The following PHF14 variants were observed in gnomAD, a reference collection of about 807,000 sequenced individuals.
PHF14 encodes the protein PHD finger protein 14.
A neutral mutation model predicts 117.9 loss-of-function variants in PHF14; 55 were observed. The observed-to-expected ratio is 0.47, with a 90% CI of 0.38 to 0.58. The LOEUF is 0.58. Ranked by LOEUF, PHF14 falls within the 20% of genes least tolerant of loss-of-function variation. PHF14 has a pLI of 0.00. For missense variants in PHF14, 978 were observed against 1,122.2 expected, an observed-to-expected ratio of 0.87 and a Z score of 1.84; for synonymous variants, 409 against 368.6, an observed-to-expected ratio of 1.11 and a Z score of -1.26.
At chr7:11,080,321 C>T (rs1786045851) in intron 16 of PHF14, among the ~76,000 whole-genome samples, 1 of 152,076 alleles carries the variant, frequency 6.6e-6, no homozygotes, top group Non-Finnish European at 1.5e-5. Flanking sequence ...GTTAACATCT[C>T]ACTTTAAAAA....
chr7:11,058,495 T>C (rs925696730), intron 14 of PHF14, among the ~76,000 whole-genome samples: 7 of 152,222 alleles, frequency 4.6e-5, no homozygotes, highest in Admixed American at 2.6e-4. Flanking sequence ...TTTATTTTTT[T>C]CTTTGGAAAT....
At chr7:11,063,655 T>TA (rs1227246327) in intron 16 of PHF14, 1 of 971,336 alleles carries the variant, frequency 1.0e-6, no homozygotes, top group Non-Finnish European at 1.2e-6. Context: ...TAGAGGTTTT[T>TA]ATTAGGTTTT....
At chr7:11,019,020 G>A (rs1226432758) in intron 5 of PHF14, among the ~76,000 whole-genome samples, 1 of 152,140 alleles carries the variant, frequency 6.6e-6, no homozygotes, top group Non-Finnish European at 1.5e-5. Flanking sequence ...CCTTCATCCT[G>A]TTGATGTGAT....
At chr7:11,042,601 T>C (rs1308905606) in intron 12 of PHF14, 82 bp from the exon 13 acceptor site, 2 of 936,684 alleles carry the variant, frequency 2.1e-6, no homozygotes, top group Admixed American at 3.6e-5. Flanking sequence ...TGAAATTTTG[T>C]AAGTTGAAAA....
At chr7:11,022,415 G>T (rs1783767465) in intron 5 of PHF14, among the ~76,000 whole-genome samples, 1 of 152,142 alleles carries the variant, frequency 6.6e-6, no homozygotes, top group Admixed American at 6.5e-5. Flanking sequence ...AGTAATAAGA[G>T]AAATTTTACC....
intron 16 of PHF14, among the ~76,000 whole-genome samples, chr7:11,066,181 GTT>G (rs1209219917): frequency 6.6e-6 from 1 of 152,072 alleles, no homozygotes; most frequent in Non-Finnish European, 1.5e-5. Flanking sequence ...AACTAAATTT[GTT>G]TGTGTCATAA....
chr7:11,057,442 T>C (rs889964638), intron 14 of PHF14, among the ~76,000 whole-genome samples: 29 of 152,306 alleles, frequency 1.9e-4, no homozygotes, highest in Middle Eastern at 6.8e-3. Context: ...TGGTGTGACC[T>C]TGGCTCACTG....
intron 17 of PHF14, among the ~76,000 whole-genome samples, chr7:11,160,373 G>A (rs1352065023): frequency 6.6e-6 from 1 of 152,126 alleles, no homozygotes; most frequent in Non-Finnish European, 1.5e-5. Flanking sequence ...ATACAAATGT[G>A]TGTGTCTTTT....
chr7:11,148,725 C>T (rs1317922025), intron 17 of PHF14, among the ~76,000 whole-genome samples: 1 of 152,104 alleles, frequency 6.6e-6, no homozygotes, highest in Non-Finnish European at 1.5e-5. Context: ...GGTTAATAGA[C>T]AAACATTTAT....
At position 11,088,579 on chromosome 7, in the gene PHF14, A is replaced by G. The variant is rs1204009694; in HGVS notation, c.2655-22771A>G. On this transcript the variant is annotated intron_variant, in intron 16 of 17. Transcript: ENST00000634607. ...TCCTGCTTTTTCATTTTAATGAAGA[A>G]TTTCATTTTCTTACTGTTTTGGTTT... Among the ~76,000 whole-genome samples, 3 of 152,138 alleles carry G rather than the reference A, an allele frequency of 2.0e-5. 1 individual carries two copies. Among genetic ancestry groups the G allele is most frequent in the Admixed American group, 2.0e-4 (3 of 15,276 alleles).
At chr7:11,139,878 C>T (rs925259578) in intron 17 of PHF14, among the ~76,000 whole-genome samples, 1 of 152,010 alleles carries the variant, frequency 6.6e-6, no homozygotes, top group African/African-American at 2.4e-5. Flanking sequence ...TATTCTAATG[C>T]ATCATTGTGA....
chr7:11,138,269 C>G (rs1412558774), intron 17 of PHF14, among the ~76,000 whole-genome samples: 2 of 151,874 alleles, frequency 1.3e-5, no homozygotes, highest in African/African-American at 4.8e-5. Flanking sequence ...TCTCGATCTC[C>G]TGACCTCGTG....
At chr7:11,093,223 A>T (rs1377437502) in intron 16 of PHF14, among the ~76,000 whole-genome samples, 2 of 152,196 alleles carry the variant, frequency 1.3e-5, no homozygotes, top group Non-Finnish European at 2.9e-5. Context: ...CCGTCATCCC[A>T]GAGTTTGTTC....
At chr7:11,100,778 A>G (rs1787058368) in intron 16 of PHF14, among the ~76,000 whole-genome samples, 1 of 151,976 alleles carries the variant, frequency 6.6e-6, no homozygotes, top group Non-Finnish European at 1.5e-5. Flanking sequence ...AAAATGGTGG[A>G]ATTATAATTT....
intron 17 of PHF14, among the ~76,000 whole-genome samples, chr7:11,164,392 G>T (rs899194897): frequency 1.3e-5 from 2 of 152,130 alleles, no homozygotes; most frequent in African/African-American, 4.8e-5. Flanking sequence ...CAAAGCACAG[G>T]TAAGAAAATA....
intron 16 of PHF14, among the ~76,000 whole-genome samples, chr7:11,074,709 T>C (rs1323992698): frequency 6.6e-6 from 1 of 152,214 alleles, no homozygotes; most frequent in Non-Finnish European, 1.5e-5. Context: ...TAGGGCATAA[T>C]ATGGGTGACC....
chr7:11,057,591 T>G (rs1235174641), intron 14 of PHF14, among the ~76,000 whole-genome samples: 1 of 152,024 alleles, frequency 6.6e-6, no homozygotes, highest in Admixed American at 6.6e-5. Flanking sequence ...CCAGGCTGGT[T>G]TCAAACTCGT....
At chr7:10,975,908 A>G (rs1781846776) in intron 2 of PHF14, among the ~76,000 whole-genome samples, 1 of 152,180 alleles carries the variant, frequency 6.6e-6, no homozygotes, top group Non-Finnish European at 1.5e-5. Context: ...GAAGGGATGA[A>G]CGAAATTATA....
At chr7:11,131,137 A>G (rs1462232477) in intron 17 of PHF14, among the ~76,000 whole-genome samples, 2 of 151,936 alleles carry the variant, frequency 1.3e-5, no homozygotes, top group African/African-American at 2.4e-5. Context: ...TAACGCTACT[A>G]TAAACATTCA....
Sources: allele counts gnomAD v4.1 joint callset (sites outside exome capture counted in the v4.1 genomes callset), GRCh38; gene constraint gnomAD v4.1.1; transcripts MANE v1.5; gene names NCBI Gene and HGNC (gene_info 2026-07-23, HGNC 2026-07-21).